Variants in RASGRF2 observed in about 807,000 individuals in gnomAD.
RASGRF2 encodes ras-specific guanine nucleotide-releasing factor 2.
Under a neutral mutation model 151.0 loss-of-function variants are expected in RASGRF2, and 76 were observed. The ratio of observed to expected loss-of-function variants is 0.50; its 90% CI spans 0.42 to 0.61. RASGRF2 has a LOEUF of 0.61. Among genes scored for constraint, RASGRF2 ranks in the 20% least tolerant of loss-of-function variants. The probability of loss-of-function intolerance (pLI) is 0.00; values close to 1 mark genes in which losing one functional copy is unlikely to be tolerated. For synonymous variants in RASGRF2, 504 were observed against 566.5 expected (o/e 0.89, Z 1.57); for missense variants, 1,148 against 1,564.6 (o/e 0.73, Z 4.49).
intron 2 of RASGRF2, among the ~76,000 whole-genome samples, chr5:81,059,177 A>T (rs1322188755): frequency 2.0e-5 from 3 of 150,674 alleles, no homozygotes; most frequent in Non-Finnish European, 4.4e-5. Flanking sequence ...AGGTCAGGAG[A>T]TCCAGACCAT....
At chr5:81,091,940 C>T (rs76811925) in intron 9 of RASGRF2, among the ~76,000 whole-genome samples, 1,801 of 152,250 alleles carry the variant, frequency 0.012, 28 homozygotes, top group African/African-American at 0.042. Context: ...ATTTGACTAT[C>T]TCAGGGCACT....
intron 12 of RASGRF2, among the ~76,000 whole-genome samples, chr5:81,105,386 A>G (rs1312035474): frequency 6.6e-6 from 1 of 151,700 alleles, no homozygotes; most frequent in African/African-American, 2.4e-5. Context: ...CAGGTCTGTG[A>G]CTCTGGCCAC....
At chr5:81,176,993 G>A (rs564986907) in intron 17 of RASGRF2, among the ~76,000 whole-genome samples, 25 of 152,224 alleles carry the variant, frequency 1.6e-4, no homozygotes, top group Admixed American at 9.8e-4. Context: ...TTATGTGGGC[G>A]TCTCAGTTCC....
At chr5:81,219,558 C>T in intron 25 of RASGRF2, 152 bp from the exon 26 acceptor site, 1 of 566,906 alleles carries the variant, frequency 1.8e-6, no homozygotes, top group East Asian at 3.1e-5. Flanking sequence ...AAAGCACCAA[C>T]CATAGGGAAT....
intron 12 of RASGRF2, among the ~76,000 whole-genome samples, chr5:81,107,526 T>C (rs1752878632): frequency 6.6e-6 from 1 of 152,188 alleles, no homozygotes; most frequent in Non-Finnish European, 1.5e-5. Context: ...TGAGTCCCTC[T>C]TTGAGTTGAC....
At chr5:81,032,913 A>T (rs1400582305) in intron 1 of RASGRF2, among the ~76,000 whole-genome samples, 1 of 152,214 alleles carries the variant, frequency 6.6e-6, no homozygotes, top group Non-Finnish European at 1.5e-5. Flanking sequence ...ATCTCAGCTC[A>T]AAATCTCCTT....
At chr5:80,985,972 C>T (rs1423678772) in intron 1 of RASGRF2, among the ~76,000 whole-genome samples, 1 of 151,736 alleles carries the variant, frequency 6.6e-6, no homozygotes, top group African/African-American at 2.4e-5. Flanking sequence ...TTATTTGTTT[C>T]CATGGTGAAA....
chr5:80,968,163 T>C (rs1747782742), intron 1 of RASGRF2, among the ~76,000 whole-genome samples: 1 of 152,274 alleles, frequency 6.6e-6, no homozygotes, highest in South Asian at 2.1e-4. Flanking sequence ...AGCATTTTTA[T>C]TACTCTCTTT....
intron 13 of RASGRF2, among the ~76,000 whole-genome samples, chr5:81,111,259 G>A (rs775611445): frequency 2.6e-5 from 4 of 152,204 alleles, no homozygotes; most frequent in Admixed American, 6.5e-5. Flanking sequence ...TTCATTGATC[G>A]CCGGTCCTGA....
rs966426946 is a variant in RASGRF2 at position 81,008,908 on chromosome 5, G to A, written c.289-33969G>A. Among the ~76,000 whole-genome samples the A allele has an allele frequency of 7.9e-5, 12 of 152,094 alleles. No individual in the cohort carries two copies. The South Asian group carries it at 8.3e-4, about 11-fold the overall frequency. On this transcript the variant is annotated intron_variant, in intron 1 of 26. Transcript: ENST00000265080. ...CCAGCCCATCTATTTCTTCCTTTCCGTGTGATCCATCCTTTTGTGGTTGAT... is the reference window on the plus strand; with the variant it reads ...CCAGCCCATCTATTTCTTCCTTTCCATGTGATCCATCCTTTTGTGGTTGAT...
chr5:81,003,251 C>T (rs1251091044), intron 1 of RASGRF2, among the ~76,000 whole-genome samples: 1 of 127,224 alleles, frequency 7.9e-6, no homozygotes, highest in Non-Finnish European at 1.6e-5. Flanking sequence ...GAGACGGAGT[C>T]TCACTCTGTC....
intron 1 of RASGRF2, among the ~76,000 whole-genome samples, chr5:81,025,072 A>T (rs13162418): frequency 1.3e-5 from 2 of 152,070 alleles, no homozygotes; most frequent in Admixed American, 6.5e-5. Flanking sequence ...CAGGACATGC[A>T]TCTCCTCTGC....
intron 1 of RASGRF2, among the ~76,000 whole-genome samples, chr5:81,037,437 G>A (rs1750537890): frequency 6.6e-6 from 1 of 152,058 alleles, no homozygotes; most frequent in Admixed American, 6.6e-5. Context: ...TCCTTTTTAT[G>A]TGGCTTCTTT....
intron 17 of RASGRF2, among the ~76,000 whole-genome samples, chr5:81,170,118 C>G (rs1412796274): frequency 6.6e-6 from 1 of 151,170 alleles, no homozygotes; most frequent in East Asian, 1.9e-4. Flanking sequence ...CCCATACCAC[C>G]AGCATCACCT....
At position 81,087,327 on chromosome 5, in the gene RASGRF2, A is replaced by G. The variant is rs1301794661; in HGVS notation, c.1390+374A>G. The G allele has an allele frequency of 8.5e-6, 6 of 703,106 alleles. No individual in the cohort carries two copies. The East Asian group carries it at 1.3e-4, about 16-fold the overall frequency. The allele number at this position is 703,106 out of a possible 1,614,324, so 43.6% of individuals were successfully genotyped here. ...CCCAGGAGAAACTTGCGTTGCTCAA[A>G]GCCCTTTCACATAAGACTGGGGACC... On this transcript the variant is annotated intron_variant, in intron 9 of 26. Coordinates refer to ENST00000265080, the MANE Select transcript of RASGRF2 (RefSeq NM_006909.3).
chr5:81,212,252 CA>C lies in RASGRF2; in HGVS notation c.3157-112del, dbSNP rs1165249667. The C allele has an allele frequency of 6.0e-6, 4 of 666,624 alleles. No homozygotes were observed. The Admixed American group carries it at 1.3e-4, about 21-fold the overall frequency. 41.3% of individuals were successfully genotyped at this position (666,624 alleles called of 1,614,324 possible). A position where few individuals can be genotyped will look rare whatever the true frequency, so the allele number is the denominator to read the frequency against. ...GTATCTAAATGTAGAATATGATCTTCAAGCTACTCAACACCCTGCCTTCCTG... is the reference window on the plus strand; with the variant it reads ...GTATCTAAATGTAGAATATGATCTTCAGCTACTCAACACCCTGCCTTCCTG... On this transcript the variant is annotated intron_variant, in intron 22 of 26. Transcript: ENST00000265080.
chr5:81,134,237 A>G (rs1446886656), intron 17 of RASGRF2, among the ~76,000 whole-genome samples: 2 of 152,140 alleles, frequency 1.3e-5, no homozygotes, highest in Non-Finnish European at 2.9e-5. Flanking sequence ...ATGTGGTTAA[A>G]ACAGTTGTGT....
intron 1 of RASGRF2, among the ~76,000 whole-genome samples, chr5:80,969,716 G>A (rs1263061289): frequency 6.6e-6 from 1 of 151,378 alleles, no homozygotes; most frequent in African/African-American, 2.4e-5. Context: ...CTCCCAAAGT[G>A]CTGGGATTAC....
chr5:81,059,597 A>G (rs545116962), intron 2 of RASGRF2, among the ~76,000 whole-genome samples: 3 of 152,046 alleles, frequency 2.0e-5, no homozygotes, highest in Non-Finnish European at 4.4e-5. Context: ...CTGTAATCCC[A>G]GCACTCTGGG....
Sources: allele counts gnomAD v4.1 joint callset (sites outside exome capture counted in the v4.1 genomes callset), GRCh38; gene constraint gnomAD v4.1.1; transcripts MANE v1.5; gene names NCBI Gene and HGNC (gene_info 2026-07-23, HGNC 2026-07-21).